NFIC: variants seen among roughly 807,000 people sequenced by gnomAD.
NFIC encodes the protein nuclear factor 1 C-type.
In NFIC, 12 loss-of-function variants were observed where a neutral mutation model predicts 54.4. The ratio of observed to expected loss-of-function variants is 0.22; its 90% CI spans 0.14 to 0.36. The LOEUF (loss-of-function observed/expected upper bound fraction) is 0.36. Ranked by LOEUF, NFIC falls within the 10% of genes least tolerant of loss-of-function variation. The pLI is 1.00. For synonymous variants in NFIC, 322 were observed against 319.2 expected (o/e 1.01, Z -0.09); for missense variants, 575 against 718.2 (o/e 0.80, Z 2.28).
rs2082474390 is a variant in NFIC, at chr19:3,452,138, G to A, written c.1085-344G>A. Among the ~76,000 whole-genome samples, 1 of 151,572 alleles carries A rather than the reference G, an allele frequency of 6.6e-6. No homozygotes were observed. The highest frequency in any genetic ancestry group is 6.6e-5 in the Admixed American group (1 of 15,198). On this transcript the variant is annotated intron_variant, in intron 7 of 10. Coordinates refer to ENST00000443272, the MANE Select transcript of NFIC (RefSeq NM_001245002.2). The surrounding 1 kb of genome is among the most constrained non-coding windows in gnomAD (Gnocchi z 5.3). Reference sequence around the variant, plus strand: ...AAAAAAAAAAAGACCAGGCTCAGTGGGTTACACCTGTAATCCCCGCACTTT... The same window carrying A: ...AAAAAAAAAAAGACCAGGCTCAGTGAGTTACACCTGTAATCCCCGCACTTT...
intron 6 of NFIC, among the ~76,000 whole-genome samples, chr19:3,440,081 G>C (rs978666309): frequency 6.6e-6 from 1 of 152,132 alleles, no homozygotes; most frequent in East Asian, 1.9e-4. Context: ...TTATTAATTC[G>C]CGGCTAAGCT....
At chr19:3,396,871 G>A (rs556275303) in intron 2 of NFIC, among the ~76,000 whole-genome samples, 17 of 152,240 alleles carry the variant, frequency 1.1e-4, no homozygotes, top group South Asian at 4.1e-4. Flanking sequence ...CAGGAGAATC[G>A]CTTGAACCCA....
Position 3,375,122 on chromosome 19 carries a change from A to G in NFIC, c.31-6590A>G, listed in dbSNP as rs2081083413. Among the ~76,000 whole-genome samples, 1 of 136,866 alleles carries G rather than the reference A, an allele frequency of 7.3e-6. No individual in the cohort carries two copies. Among genetic ancestry groups the G allele is most frequent in the African/African-American group, 3.0e-5 (1 of 33,000 alleles). The allele number at this position is 136,866 out of a possible 152,430, so 89.8% of individuals were successfully genotyped here. On this transcript the variant is annotated intron_variant, in intron 1 of 10. Coordinates refer to ENST00000443272, the MANE Select transcript of NFIC (RefSeq NM_001245002.2). The surrounding 1 kb of genome is among the most constrained non-coding windows in gnomAD (Gnocchi z 4.6). Reference sequence around the variant, plus strand: ...GAGGAGAGGGGAAGTGGGGAGGGGGAATTCAGAGAGAGAGGGGGGTTGGGG... The same window carrying G: ...GAGGAGAGGGGAAGTGGGGAGGGGGGATTCAGAGAGAGAGGGGGGTTGGGG...
In NFIC at chr19:3,453,726, GCCCA is replaced by G; in HGVS notation, c.1270-33_1270-30del. ...GCCAGCAGCCCGAGGTAGAGGGGGA[GCCCA>G]CCCCTTAACCACGTGTCTCTCTGTT... On this transcript the variant is annotated intron_variant, in intron 8 of 10. Transcript: ENST00000443272. This position sits in a 1 kb window ranked among gnomAD's most constrained non-coding sequence, Gnocchi z 6.7. The G allele has an allele frequency of 1.3e-6, 2 of 1,577,010 alleles. No individual in the cohort carries two copies. Among genetic ancestry groups the G allele is most frequent in the Non-Finnish European group, 1.7e-6 (2 of 1,165,470 alleles).
intron 2 of NFIC, among the ~76,000 whole-genome samples, chr19:3,423,176 A>G (rs1484006722): frequency 6.6e-6 from 1 of 152,112 alleles, no homozygotes; most frequent in Non-Finnish European, 1.5e-5. Flanking sequence ...CCAGCCTGGG[A>G]GACAGAGTGA....
At chr19:3,381,395 C>CA (rs71164686) in intron 1 of NFIC, among the ~76,000 whole-genome samples, 1,226 of 100,826 alleles carry the variant, frequency 0.012, 15 homozygotes, top group Non-Finnish European at 0.015. Flanking sequence ...GACTCCGTCT[C>CA]AAAAAAAAAA....
rs111662663 is a variant in NFIC, at chr19:3,420,929, G to A, written c.563-4177G>A. ...GTGGAGACGGGGTTTCACCATGTGGGGCAGAATGGTCTTGAACTCCTGACC... is the reference window on the plus strand; with the variant it reads ...GTGGAGACGGGGTTTCACCATGTGGAGCAGAATGGTCTTGAACTCCTGACC... On this transcript the variant is annotated intron_variant, in intron 2 of 10. Transcript: ENST00000443272. Among the ~76,000 whole-genome samples, 363 of 152,224 alleles carry A rather than the reference G, an allele frequency of 2.4e-3. 4 individuals are homozygous for A. The highest frequency in any genetic ancestry group is 8.4e-3 in the African/African-American group (349 of 41,552).
chr19:3,401,190 G>A (rs2081549475), intron 2 of NFIC, among the ~76,000 whole-genome samples: 2 of 152,206 alleles, frequency 1.3e-5, no homozygotes, highest in Non-Finnish European at 2.9e-5. Context: ...TGCAAGGCCT[G>A]GTGGGCAGTA....
At chr19:3,401,772 A>G (rs1241398878) in intron 2 of NFIC, among the ~76,000 whole-genome samples, 5 of 151,100 alleles carry the variant, frequency 3.3e-5, no homozygotes, top group Non-Finnish European at 7.4e-5. Flanking sequence ...CCCAGGCTGG[A>G]GTGCAGTGGT....
At chr19:3,439,182 A>C (rs1184710989) in intron 6 of NFIC, among the ~76,000 whole-genome samples, 1 of 150,988 alleles carries the variant, frequency 6.6e-6, no homozygotes, top group African/African-American at 2.4e-5. Context: ...AAAAAAAAAA[A>C]AAAATAGCAT....
At chr19:3,434,613 CTCAAGTCCTGCCGGCTCAGCCAGCCCT>C (rs2082169961) in intron 5 of NFIC, among the ~76,000 whole-genome samples, 1 of 152,182 alleles carries the variant, frequency 6.6e-6, no homozygotes, top group Non-Finnish European at 1.5e-5. Flanking sequence ...CTCCCCCAGC[CTCAAGTCCTGCCGGCTCAGCCAGCCCT>C]TAGGACCCTC....
rs748724580 is a variant in NFIC, at chr19:3,381,726, G to A, written c.45G>A (p.Pro15=). 1.3e-5 allele frequency: 21 copies of A among 1,613,546 alleles called. No homozygotes were observed. The highest frequency in any genetic ancestry group is 1.2e-4 in the African/African-American group (9 of 74,944). ...PLCLTQDEFH[P]FIEALLPHVR... ...CCGGCCTGCAGGATGAGTTCCACCC[G>A]TTCATCGAGGCCCTGCTGCCTCACG... Residue 15 remains proline, a synonymous_variant, in exon 2 of 11, where the codon CCG becomes CCA. Coordinates refer to ENST00000443272, the MANE Select transcript of NFIC (RefSeq NM_001245002.2).
At chr19:3,440,304 G>A (rs1568185597) in intron 6 of NFIC, among the ~76,000 whole-genome samples, 3 of 151,982 alleles carry the variant, frequency 2.0e-5, no homozygotes, top group South Asian at 2.1e-4. Flanking sequence ...GGTGACAACC[G>A]TAAATGTCCC....
At position 3,467,316 on chromosome 19, in the gene NFIC, C is replaced by T. The variant is rs1375452372; in HGVS notation, c.*4547C>T. ...AAATTGTCCCCATTCCGTGGGGGCACCTGACAATGACCCGGGTGGAGATGG... is the reference window on the plus strand; with the variant it reads ...AAATTGTCCCCATTCCGTGGGGGCATCTGACAATGACCCGGGTGGAGATGG... On this transcript the variant is annotated 3_prime_UTR_variant, in exon 11 of 11. Transcript: ENST00000443272. 1 of 150,458 alleles carries T rather than the reference C, an allele frequency of 6.6e-6. No individual in the cohort carries two copies. The highest frequency in any genetic ancestry group is 1.5e-5 in the Non-Finnish European group (1 of 67,778). The allele number at this position is 150,458 out of a possible 1,614,324, so 9.3% of individuals were successfully genotyped here.
rs1446743082 is a variant in NFIC at position 3,469,108 on chromosome 19, A to T, written c.*6339A>T. 2.0e-5 allele frequency: 3 copies of T among 152,230 alleles called. No homozygotes were observed. Among genetic ancestry groups the T allele is most frequent in the African/African-American group, 7.2e-5 (3 of 41,458 alleles). 9.4% of individuals were successfully genotyped at this position (152,230 alleles called of 1,614,324 possible). ...TATTTGTTCCCTATGCAAAAAAAAA[A>T]TGAAAATGAAAAAAGGGGGATTCCA... On this transcript the variant is annotated 3_prime_UTR_variant, in exon 11 of 11. Transcript: ENST00000443272.
chr19:3,380,239 C>G (rs369066311), intron 1 of NFIC, among the ~76,000 whole-genome samples: 2 of 144,156 alleles, frequency 1.4e-5, no homozygotes, highest in Non-Finnish European at 3.0e-5. Context: ...CTCCTGACCT[C>G]GTGATCTGCC....
chr19:3,377,783 A>G (rs551191193), intron 1 of NFIC, among the ~76,000 whole-genome samples: 1 of 151,680 alleles, frequency 6.6e-6, no homozygotes, highest in South Asian at 2.1e-4. Flanking sequence ...ATGCCCAACT[A>G]ATTATTTTTG....
chr19:3,460,449 A>G (rs2082622420), intron 10 of NFIC, among the ~76,000 whole-genome samples: 1 of 151,268 alleles, frequency 6.6e-6, no homozygotes, highest in African/African-American at 2.4e-5. Context: ...AGGGAGACCT[A>G]CCCCCTCCTT....
intron 2 of NFIC, among the ~76,000 whole-genome samples, chr19:3,397,598 C>G (rs2081484846): frequency 6.6e-6 from 1 of 152,206 alleles, no homozygotes; most frequent in Non-Finnish European, 1.5e-5. Context: ...TCTATTCCCA[C>G]CCCACCTCGC....
Sources: gnomAD v4.1 joint callset for allele counts (sites outside exome capture counted in the v4.1 genomes callset) on GRCh38, gnomAD v4.1.1 for gene constraint, Gnocchi (gnomAD v3.1) non-coding constraint, MANE v1.5 for transcripts, NCBI Gene and HGNC (gene_info 2026-07-23, HGNC 2026-07-21) for gene names.